TULP4: variants seen among roughly 807,000 people sequenced by gnomAD.
The protein encoded by TULP4 is tubby-related protein 4.
Under a neutral mutation model 129.0 loss-of-function variants are expected in TULP4, and 16 were observed. The observed-to-expected ratio is 0.12, with a 90% CI of 0.08 to 0.19. The LOEUF (loss-of-function observed/expected upper bound fraction) is 0.19. Among genes scored for constraint, TULP4 ranks in the 10% least tolerant of loss-of-function variants. The pLI is 1.00. For missense variants in TULP4, 1,842 were observed against 2,059.1 expected (o/e 0.89, Z 2.04); for synonymous variants, 998 against 854.0 (o/e 1.17, Z -2.94).
intron 1 of TULP4, among the ~76,000 whole-genome samples, chr6:158,293,364 G>T (rs1171771742): frequency 6.6e-6 from 1 of 152,258 alleles, no homozygotes; most frequent in Non-Finnish European, 1.5e-5. Flanking sequence ...CATGTTTATT[G>T]TTTCCCACTT....
At chr6:158,385,785 A>G (rs1451069643) in intron 1 of TULP4, among the ~76,000 whole-genome samples, 1 of 143,710 alleles carries the variant, frequency 7.0e-6, no homozygotes, top group Non-Finnish European at 1.5e-5. Flanking sequence ...TCTTGCCATC[A>G]GATATGATGA....
At chr6:158,265,634 A>G (rs1364505014) in intron 1 of TULP4, among the ~76,000 whole-genome samples, 1 of 151,986 alleles carries the variant, frequency 6.6e-6, no homozygotes, top group Non-Finnish European at 1.5e-5. Flanking sequence ...GTGAGCCAAA[A>G]TCGTGCCACT....
chr6:158,384,995 T>C (rs1777407870), intron 1 of TULP4, among the ~76,000 whole-genome samples: 1 of 152,120 alleles, frequency 6.6e-6, no homozygotes, highest in Non-Finnish European at 1.5e-5. Context: ...AATCCCAAAG[T>C]CGGGCTTTTA....
intron 1 of TULP4, among the ~76,000 whole-genome samples, chr6:158,353,119 A>T (rs1392269831): frequency 6.6e-6 from 1 of 152,214 alleles, no homozygotes; most frequent in Non-Finnish European, 1.5e-5. Flanking sequence ...ATTGCTATGT[A>T]GCATGGCTGT....
intron 9 of TULP4, among the ~76,000 whole-genome samples, chr6:158,491,166 C>T (rs1033524727): frequency 6.6e-6 from 1 of 152,324 alleles, no homozygotes; most frequent in East Asian, 1.9e-4. Flanking sequence ...GTCCCAGTTT[C>T]TTCCATCCTC....
chr6:158,270,208 C>G (rs975555637), intron 1 of TULP4, among the ~76,000 whole-genome samples: 3 of 152,146 alleles, frequency 2.0e-5, no homozygotes, highest in Non-Finnish European at 4.4e-5. Flanking sequence ...ATAAAGTCTT[C>G]ATTATTGAGA....
intron 5 of TULP4, among the ~76,000 whole-genome samples, chr6:158,458,686 A>G (rs1046194325): frequency 6.6e-6 from 1 of 152,252 alleles, no homozygotes; most frequent in Non-Finnish European, 1.5e-5. Flanking sequence ...TGTCCTGACT[A>G]TATCTAGGCT....
At chr6:158,290,151 A>T (rs1259701628) in intron 1 of TULP4, among the ~76,000 whole-genome samples, 1 of 151,914 alleles carries the variant, frequency 6.6e-6, no homozygotes, top group Non-Finnish European at 1.5e-5. Flanking sequence ...GCCCTGGCTG[A>T]TCTCGATCTC....
upstream of TULP4, among the ~76,000 whole-genome samples, chr6:158,279,756 T>A (rs1778716377): frequency 6.6e-6 from 1 of 152,212 alleles, no homozygotes; most frequent in Admixed American, 6.5e-5. Context: ...TAGGTCCTCT[T>A]CACTCTTAGT....
upstream of TULP4, among the ~76,000 whole-genome samples, chr6:158,309,286 C>T (rs2128480729): frequency 7.1e-6 from 1 of 141,226 alleles, no homozygotes; most frequent in Non-Finnish European, 1.6e-5. Flanking sequence ...TCCTCACATC[C>T]CAGACGGGGC....
chr6:158,235,854 T>C (rs1324426885), intron 1 of TULP4, among the ~76,000 whole-genome samples: 1 of 152,234 alleles, frequency 6.6e-6, no homozygotes, highest in Admixed American at 6.5e-5. Flanking sequence ...CTTATTTTAT[T>C]AAAACAAATT....
At chr6:158,292,300 C>G (rs1348791947) in intron 1 of TULP4, among the ~76,000 whole-genome samples, 4 of 152,196 alleles carry the variant, frequency 2.6e-5, no homozygotes, top group South Asian at 2.1e-4. Flanking sequence ...GTGGGACTTT[C>G]ATTGCTAACA....
chr6:158,498,309 G>A (rs1312629576), intron 11 of TULP4, among the ~76,000 whole-genome samples: 2 of 152,196 alleles, frequency 1.3e-5, no homozygotes, highest in East Asian at 3.8e-4. Context: ...TCATCCTTCT[G>A]ACTGCAAATG....
At chr6:158,394,420 A>G (rs1211683458) in intron 1 of TULP4, among the ~76,000 whole-genome samples, 2 of 152,000 alleles carry the variant, frequency 1.3e-5, no homozygotes, top group South Asian at 2.1e-4. Context: ...ATTTTCAGGT[A>G]TCTTCATAGC....
chr6:158,268,587 A>C (rs1422906201), intron 1 of TULP4, among the ~76,000 whole-genome samples: 1 of 152,176 alleles, frequency 6.6e-6, no homozygotes, highest in Non-Finnish European at 1.5e-5. Flanking sequence ...ATCACTTCCC[A>C]AAGGCCCCAC....
chr6:158,403,587 G>T (rs140516188), intron 1 of TULP4, among the ~76,000 whole-genome samples: 2,044 of 152,176 alleles, frequency 0.013, 52 homozygotes, highest in African/African-American at 0.045. Context: ...TGATCCGCCC[G>T]CCTCGGCCTC....
intron 1 of TULP4, among the ~76,000 whole-genome samples, chr6:158,325,654 G>A (rs1167431490): frequency 6.6e-6 from 1 of 152,136 alleles, no homozygotes; most frequent in Non-Finnish European, 1.5e-5. Context: ...CCCAGCCGAG[G>A]AACAGCTCTT....
intron 1 of TULP4, among the ~76,000 whole-genome samples, chr6:158,325,723 G>GAAATATAAAACAA (rs1779731756): frequency 6.6e-6 from 1 of 152,136 alleles, no homozygotes. Context: ...CAAAGAGGCA[G>GAAATATAAAACAA]AAATGAAACT....
Position 158,503,418 on chromosome 6 carries a change from G to A in TULP4, c.3755G>A (p.Ser1252Asn). The A allele has an allele frequency of 1.9e-6, 3 of 1,613,994 alleles. No homozygotes were observed. Residue 1252 changes from serine to asparagine, a missense_variant, in exon 13 of 14, where the codon AGT becomes AAT. Coordinates refer to ENST00000367097, the MANE Select transcript of TULP4 (RefSeq NM_020245.5). The surrounding 1 kb of genome is among the most constrained non-coding windows in gnomAD (Gnocchi z 4.3). ...TACCCAGGAAGCAGCACGTGCTCTA[G>A]TTTACAGCTGCCACCTGTCGCCTTG... ...PMYPGSSTCS[S>N]LQLPPVALHP...
Sources: gnomAD v4.1 joint callset for allele counts (sites outside exome capture counted in the v4.1 genomes callset) on GRCh38, gnomAD v4.1.1 for gene constraint, Gnocchi (gnomAD v3.1) non-coding constraint, MANE v1.5 for transcripts, NCBI Gene and HGNC (gene_info 2026-07-23, HGNC 2026-07-21) for gene names.